Variants in FAM169A observed in about 807,000 individuals in gnomAD.
FAM169A encodes soluble lamin-associated protein of 75 kDa.
A neutral mutation model predicts 75.7 loss-of-function variants in FAM169A; 24 were observed. That is an observed-to-expected ratio of 0.32 (90% CI 0.23 to 0.45). The LOEUF (loss-of-function observed/expected upper bound fraction) is 0.45. Among genes scored for constraint, FAM169A ranks in the 20% least tolerant of loss-of-function variants. FAM169A has a pLI of 1.00. For synonymous variants in FAM169A, 271 were observed against 271.0 expected (o/e 1.00, Z 0.00); for missense variants, 673 against 784.0 (o/e 0.86, Z 1.69).
intron 5 of FAM169A, among the ~76,000 whole-genome samples, chr5:74,833,761 G>A (rs992947733): frequency 6.6e-6 from 1 of 152,192 alleles, no homozygotes; most frequent in Non-Finnish European, 1.5e-5. Context: ...GGTGTGGATT[G>A]TATGTGTACA....
At position 74,801,644 on chromosome 5, in the gene FAM169A, G is replaced by C. The variant is rs183356148; in HGVS notation, c.913-15C>G. 8.2e-5 allele frequency: 132 copies of C among 1,602,004 alleles called. No homozygotes were observed. The highest frequency in any genetic ancestry group is 1.4e-4 in the Admixed American group (8 of 58,198). On this transcript the variant is annotated splice_polypyrimidine_tract_variant and intron_variant, in intron 8 of 12. Coordinates refer to ENST00000687041, the MANE Select transcript of FAM169A (RefSeq NM_001376049.1). ...AGAGAATCAATCTAAAAAAGAGAGAGATTCAAACCCAAAGTTTTAGACTAT... is the reference window on the plus strand; with the variant it reads ...AGAGAATCAATCTAAAAAAGAGAGACATTCAAACCCAAAGTTTTAGACTAT...
intron 6 of FAM169A, among the ~76,000 whole-genome samples, chr5:74,811,886 G>C (rs1202773527): frequency 2.0e-5 from 3 of 152,170 alleles, no homozygotes; most frequent in Non-Finnish European, 4.4e-5. Flanking sequence ...TGTATTTATA[G>C]TTTTTAAATA....
intron 5 of FAM169A, among the ~76,000 whole-genome samples, chr5:74,821,851 T>C (rs900372546): frequency 1.3e-5 from 2 of 152,148 alleles, no homozygotes; most frequent in Non-Finnish European, 2.9e-5. Context: ...GGGCATCAGC[T>C]AGGGCACTGG....
intron 6 of FAM169A, among the ~76,000 whole-genome samples, chr5:74,806,937 T>C (rs1485070914): frequency 6.6e-6 from 1 of 151,974 alleles, no homozygotes; most frequent in African/African-American, 2.4e-5. Flanking sequence ...CAAGGAAAGA[T>C]AAGATATGAT....
intron 1 of FAM169A, among the ~76,000 whole-genome samples, chr5:74,862,746 G>A (rs905833515): frequency 1.3e-5 from 2 of 152,190 alleles, no homozygotes; most frequent in African/African-American, 4.8e-5. Flanking sequence ...AATAAAGTGT[G>A]ACAACATGCA....
chr5:74,815,475 A>C (rs1580118754), intron 5 of FAM169A, among the ~76,000 whole-genome samples: 1 of 152,130 alleles, frequency 6.6e-6, no homozygotes, highest in Non-Finnish European at 1.5e-5. Context: ...GAGCCACTGC[A>C]CCCAGCCAAT....
intron 6 of FAM169A, among the ~76,000 whole-genome samples, chr5:74,806,776 C>T (rs901481148): frequency 2.6e-5 from 4 of 152,072 alleles, no homozygotes. Context: ...ACAATTAGTA[C>T]TCAGAATATA....
At position 74,805,364 on chromosome 5, in the gene FAM169A, C is replaced by G. The variant is rs1180351900; in HGVS notation, c.671-80G>C. 5 of 1,389,452 alleles carry G rather than the reference C, an allele frequency of 3.6e-6. No individual in the cohort carries two copies. In the Admixed American group the frequency reaches 7.7e-5, roughly 21 times the overall value. 86.1% of individuals were successfully genotyped at this position (1,389,452 alleles called of 1,614,324 possible). The stretch of plus-strand genomic sequence containing the variant: ...AACAGGAGTTGAAAAGTAAGCTTCC[C>G]AACTCACTTAACGGGGCTAGCATAA... On this transcript the variant is annotated intron_variant, in intron 6 of 12. Coordinates refer to ENST00000687041, the MANE Select transcript of FAM169A (RefSeq NM_001376049.1).
intron 1 of FAM169A, among the ~76,000 whole-genome samples, chr5:74,844,732 G>A (rs1377879841): frequency 5.9e-5 from 9 of 152,098 alleles, no homozygotes; most frequent in African/African-American, 2.2e-4. Context: ...CAGGAGAATT[G>A]CTTGAACCCG....
chr5:74,784,714 C>T (rs1047666888), intron 11 of FAM169A, among the ~76,000 whole-genome samples: 15 of 148,382 alleles, frequency 1.0e-4, no homozygotes, highest in African/African-American at 1.5e-4. Flanking sequence ...GTCAGGAGAT[C>T]GAGACCATCC....
Position 74,846,176 on chromosome 5 carries a change from G to A in FAM169A, c.-3-4497C>T, listed in dbSNP as rs189974558. ...TATTATACCATATCATTGGCTAGAT[G>A]AGGCTCAAGGATTAATGTCATAGTA... is the stretch of plus-strand genomic sequence containing the variant. On this transcript the variant is annotated intron_variant, in intron 1 of 12. Coordinates refer to ENST00000687041, the MANE Select transcript of FAM169A (RefSeq NM_001376049.1). Among the ~76,000 whole-genome samples, 5 of 152,314 alleles carry A rather than the reference G, an allele frequency of 3.3e-5. No homozygotes were observed. The East Asian group carries it at 7.7e-4, about 23-fold the overall frequency.
intron 1 of FAM169A, 173 bp downstream of exon 1, chr5:74,865,992 C>G (rs560475940): frequency 2.4e-5 from 4 of 170,082 alleles, no homozygotes; most frequent in Non-Finnish European, 4.7e-5. Context: ...AGCCCCGGGT[C>G]CAGGCGGCCC....
intron 5 of FAM169A, among the ~76,000 whole-genome samples, chr5:74,826,522 T>A (rs914977334): frequency 7.2e-5 from 11 of 152,208 alleles, no homozygotes; most frequent in Admixed American, 5.2e-4. Context: ...CATGTAGCCA[T>A]AAAATAATTT....
rs1748114849 is a variant in FAM169A at position 74,827,804 on chromosome 5, A to G, written c.490+6622T>C. Among the ~76,000 whole-genome samples the G allele has an allele frequency of 2.0e-5, 3 of 151,730 alleles. No individual in the cohort carries two copies. The South Asian group carries it at 6.3e-4, about 32-fold the overall frequency. On this transcript the variant is annotated intron_variant, in intron 5 of 12. Transcript: ENST00000687041. ...CAGCCTCCTGAGTAGCTGGAATTAC[A>G]GGAACCCGCCATCATGCCCGGCTAA...
intron 8 of FAM169A, among the ~76,000 whole-genome samples, chr5:74,803,109 T>C (rs1300070082): frequency 6.6e-6 from 1 of 152,166 alleles, no homozygotes; most frequent in Non-Finnish European, 1.5e-5. Context: ...ATAGGTTAGA[T>C]TCTAAAATCT....
chr5:74,844,340 T>C (rs1376557239), intron 1 of FAM169A, among the ~76,000 whole-genome samples: 1 of 152,022 alleles, frequency 6.6e-6, no homozygotes, highest in African/African-American at 2.4e-5. Context: ...TATGCACCTG[T>C]AGTCCCAGCT....
At chr5:74,819,573 C>T (rs927613610) in intron 5 of FAM169A, among the ~76,000 whole-genome samples, 1 of 152,168 alleles carries the variant, frequency 6.6e-6, no homozygotes, top group Non-Finnish European at 1.5e-5. Context: ...GACTTGAAGA[C>T]ATGTCCAAAC....
intron 9 of FAM169A, 97 bp downstream of exon 9, chr5:74,801,493 G>C: frequency 1.0e-6 from 1 of 964,204 alleles, no homozygotes. Flanking sequence ...CACTTTCTCA[G>C]GGTGACACAC....
intron 4 of FAM169A, among the ~76,000 whole-genome samples, 162 bp from the exon 5 acceptor site, chr5:74,834,759 C>T (rs536914565): frequency 1.3e-5 from 2 of 152,270 alleles, no homozygotes; most frequent in South Asian, 4.2e-4. Flanking sequence ...AGAGATGAGA[C>T]TAATCATTCA....
Sources: allele counts gnomAD v4.1 joint callset (sites outside exome capture counted in the v4.1 genomes callset), GRCh38; gene constraint gnomAD v4.1.1; transcripts MANE v1.5; gene names NCBI Gene and HGNC (gene_info 2026-07-23, HGNC 2026-07-21).